Variants in KLF12 observed in about 807,000 individuals in gnomAD.
The protein encoded by KLF12 is KLF transcription factor 12.
Under a neutral mutation model 37.8 loss-of-function variants are expected in KLF12, and 9 were observed. That is an observed-to-expected ratio of 0.24 (90% CI 0.14 to 0.42). The LOEUF (loss-of-function observed/expected upper bound fraction) is 0.42. KLF12 is among the 10% of genes least tolerant of loss of function. The pLI is 1.00. For missense variants in KLF12, 411 were observed against 516.0 expected, an observed-to-expected ratio of 0.80 and a Z score of 1.97; for synonymous variants, 208 against 202.1, an observed-to-expected ratio of 1.03 and a Z score of -0.25.
chr13:74,212,940 T>C, the KLF12 span, among the ~76,000 whole-genome samples: 1 of 151,910 alleles, frequency 6.6e-6, no homozygotes, highest in Non-Finnish European at 1.5e-5. Context: ...GACATGTTTT[T>C]CAGAAAGGTA....
chr13:73,870,386 A>G (rs1294111419), intron 3 of KLF12, among the ~76,000 whole-genome samples: 1 of 152,258 alleles, frequency 6.6e-6, no homozygotes, highest in African/African-American at 2.4e-5. Flanking sequence ...TTTTAACAGT[A>G]ACATTTAAAA....
the KLF12 span, among the ~76,000 whole-genome samples, chr13:74,159,536 A>G: frequency 4.6e-5 from 7 of 152,354 alleles, no homozygotes; most frequent in Admixed American, 3.9e-4. Context: ...GATAATGCAC[A>G]TATTTCATTA....
rs534865090 is a variant in KLF12 at position 74,007,883 on chromosome 13, T to C, written c.-31-12830A>G. On this transcript the variant is annotated intron_variant, in intron 1 of 7. Transcript: ENST00000377669. ...ACAATGAGAACAAACAACTGGTACA[T>C]GGAAAAAAAAAAACGCAATGTGAAA... 1.2e-3 allele frequency among the ~76,000 whole-genome samples: 172 copies of C among 146,714 alleles called. 1 individual carries two copies. Among genetic ancestry groups the C allele is most frequent in the African/African-American group, 4.1e-3 (159 of 39,058 alleles).
At chr13:74,124,372 A>G (rs562751167) in intron 1 of KLF12, among the ~76,000 whole-genome samples, 4 of 152,224 alleles carry the variant, frequency 2.6e-5, no homozygotes, top group Admixed American at 6.5e-5. Flanking sequence ...TTATGTTTTC[A>G]AGTTTTTCCT....
chr13:74,043,418 G>C (rs7326324), intron 1 of KLF12, among the ~76,000 whole-genome samples: 106,067 of 152,062 alleles, frequency 0.7, 37,261 homozygotes, highest in East Asian at 0.85. Flanking sequence ...TCCAACTTCC[G>C]TACAAACATG....
intron 1 of KLF12, among the ~76,000 whole-genome samples, chr13:74,058,768 A>G (rs1266258348): frequency 2.6e-5 from 4 of 152,226 alleles, no homozygotes; most frequent in Non-Finnish European, 5.9e-5. Flanking sequence ...ACCTGCTACT[A>G]TGAACTTGGA....
At chr13:74,135,415 C>T (rs1053935838), upstream of KLF12, among the ~76,000 whole-genome samples, 2 of 151,984 alleles carry the variant, frequency 1.3e-5, no homozygotes, top group South Asian at 4.1e-4. Context: ...TGACGCTCTC[C>T]CCGGCAGCCC....
chr13:74,282,436 C>G, the KLF12 span, among the ~76,000 whole-genome samples: 1 of 152,144 alleles, frequency 6.6e-6, no homozygotes, highest in Admixed American at 6.5e-5. Context: ...TAATACCACC[C>G]ACTATTTTCA....
chr13:74,095,893 T>C (rs1351331463), intron 1 of KLF12, among the ~76,000 whole-genome samples: 2 of 152,188 alleles, frequency 1.3e-5, no homozygotes, highest in African/African-American at 4.8e-5. Context: ...CACTGAGGTA[T>C]TTCAATAACA....
chr13:73,976,655 A>C (rs1891532466), intron 2 of KLF12, among the ~76,000 whole-genome samples: 1 of 152,134 alleles, frequency 6.6e-6, no homozygotes, highest in Non-Finnish European at 1.5e-5. Flanking sequence ...TAACGACTAC[A>C]TTTAGAGTGA....
chr13:74,083,493 G>C (rs866319159), intron 1 of KLF12, among the ~76,000 whole-genome samples: 27 of 136,416 alleles, frequency 2.0e-4, no homozygotes, highest in African/African-American at 7.4e-4. Context: ...GGCGATAGGA[G>C]ACACACACAC....
chr13:74,157,701 C>T, the KLF12 span, among the ~76,000 whole-genome samples: 2 of 152,190 alleles, frequency 1.3e-5, no homozygotes, highest in African/African-American at 2.4e-5. Flanking sequence ...TCCTTCTGTC[C>T]TCAAATGCTG....
chr13:73,806,116 CT>C (rs372137417), intron 5 of KLF12, among the ~76,000 whole-genome samples: 94 of 139,032 alleles, frequency 6.8e-4, no homozygotes, highest in Admixed American at 1.2e-3. Flanking sequence ...TTTTTTCTTT[CT>C]TTTTTTTTTT....
intron 4 of KLF12, among the ~76,000 whole-genome samples, chr13:73,820,504 CTGTTT>C (rs1403006624): frequency 6.6e-6 from 1 of 152,140 alleles, no homozygotes; most frequent in African/African-American, 2.4e-5. Context: ...CTCCAGGGTC[CTGTTT>C]TGTTTACTAA....
At chr13:73,808,815 G>A (rs1247663528) in intron 5 of KLF12, among the ~76,000 whole-genome samples, 4 of 152,188 alleles carry the variant, frequency 2.6e-5, no homozygotes, top group Non-Finnish European at 5.9e-5. Context: ...GAGACAAGAA[G>A]AGCTTCAGTT....
At chr13:73,778,550 A>C (rs1377361572) in intron 5 of KLF12, among the ~76,000 whole-genome samples, 1 of 151,990 alleles carries the variant, frequency 6.6e-6, no homozygotes, top group East Asian at 1.9e-4. Flanking sequence ...TGTAGAGATG[A>C]GGTGAGGCCT....
intron 1 of KLF12, among the ~76,000 whole-genome samples, chr13:74,096,144 T>C (rs1015759877): frequency 3.9e-5 from 6 of 152,226 alleles, no homozygotes; most frequent in African/African-American, 1.4e-4. Context: ...TCTTTCCCTT[T>C]TAGTTAGAAA....
chr13:73,946,169 T>C (rs191466237), intron 2 of KLF12, among the ~76,000 whole-genome samples: 42 of 152,282 alleles, frequency 2.8e-4, no homozygotes, highest in Middle Eastern at 3.4e-3. Context: ...TATTGCTTCC[T>C]ACCCTGGAGG....
At chr13:73,918,127 A>G (rs1367550701) in intron 3 of KLF12, among the ~76,000 whole-genome samples, 1 of 152,022 alleles carries the variant, frequency 6.6e-6, no homozygotes, top group East Asian at 1.9e-4. Flanking sequence ...GTATACAGAG[A>G]GAGAGAGAGA....
Sources: gnomAD v4.1 joint callset for allele counts (sites outside exome capture counted in the v4.1 genomes callset) on GRCh38, gnomAD v4.1.1 for gene constraint, MANE v1.5 for transcripts, NCBI Gene and HGNC (gene_info 2026-07-23, HGNC 2026-07-21) for gene names.